The following PPM1B variants were observed in gnomAD, a reference collection of about 807,000 sequenced individuals.
The protein encoded by PPM1B is protein phosphatase, Mg2+/Mn2+ dependent 1B.
A neutral mutation model predicts 43.0 loss-of-function variants in PPM1B; 22 were observed. The ratio of observed to expected loss-of-function variants is 0.51; its 90% confidence interval spans 0.37 to 0.73. The LOEUF (loss-of-function observed/expected upper bound fraction) is 0.73. Among genes scored for constraint, PPM1B ranks in the 30% least tolerant of loss-of-function variants. The pLI is 0.00. For synonymous variants in PPM1B, 217 were observed against 197.9 expected, an observed-to-expected ratio of 1.10 and a Z score of -0.81; for missense variants, 632 against 584.2, an observed-to-expected ratio of 1.08 and a Z score of -0.84.
chr2:44,236,423 A>AAAAAAAAAAAAAAAAAAG, downstream of PPM1B, among the ~76,000 whole-genome samples: 1 of 143,644 alleles, frequency 7.0e-6, no homozygotes, highest in Non-Finnish European at 1.5e-5. Context: ...AAAAAAAAAA[A>AAAAAAAAAAAAAAAAAAG]AAAAGTTGTA....
intron 2 of PPM1B, among the ~76,000 whole-genome samples, 178 bp from the exon 3 acceptor site, chr2:44,209,032 C>A (rs1326481183): frequency 6.6e-6 from 1 of 152,100 alleles, no homozygotes; most frequent in African/African-American, 2.4e-5. Flanking sequence ...TATACCCATA[C>A]CTAGACACCT....
At chr2:44,239,179 C>CAAAAA (rs1193340508), downstream of PPM1B, among the ~76,000 whole-genome samples, 31 of 89,610 alleles carry the variant, frequency 3.5e-4, no homozygotes, top group Non-Finnish European at 5.3e-4. Context: ...GTCTCTAATA[C>CAAAAA]AAAAAAAAAA....
chr2:44,171,084 AC>A (rs1475562224), intron 1 of PPM1B, among the ~76,000 whole-genome samples: 4 of 152,072 alleles, frequency 2.6e-5, no homozygotes, highest in Non-Finnish European at 4.4e-5. Context: ...GAGCTTTCAT[AC>A]TGTAAGATTT....
chr2:44,216,537 C>T (rs540092842), intron 3 of PPM1B, among the ~76,000 whole-genome samples: 172 of 152,226 alleles, frequency 1.1e-3, no homozygotes, highest in African/African-American at 4.0e-3. Flanking sequence ...CAGTACATGT[C>T]ATGCATATGG....
chr2:44,170,625 A>G (rs571922542), intron 1 of PPM1B, among the ~76,000 whole-genome samples: 49 of 152,312 alleles, frequency 3.2e-4, no homozygotes, highest in African/African-American at 1.1e-3. Flanking sequence ...GAATGTTAAT[A>G]GATGTTATTT....
intron 5 of PPM1B, among the ~76,000 whole-genome samples, chr2:44,223,662 C>G (rs573979375): frequency 6.6e-6 from 1 of 150,386 alleles, no homozygotes; most frequent in Non-Finnish European, 1.5e-5. Context: ...ACAAAAAAAA[C>G]AAAATTAGCC....
At chr2:44,198,068 A>T (rs1038572650) in intron 1 of PPM1B, among the ~76,000 whole-genome samples, 1 of 152,168 alleles carries the variant, frequency 6.6e-6, no homozygotes, top group African/African-American at 2.4e-5. Context: ...ACGCTTGCCA[A>T]TGTCCATGTG....
At chr2:44,188,438 C>T (rs1445832126) in intron 1 of PPM1B, among the ~76,000 whole-genome samples, 2 of 133,222 alleles carry the variant, frequency 1.5e-5, no homozygotes, top group Non-Finnish European at 1.5e-5. Flanking sequence ...CTTTGTTGCT[C>T]AGGCTGGAAT....
intron 5 of PPM1B, among the ~76,000 whole-genome samples, chr2:44,221,495 G>A (rs921227474): frequency 6.6e-6 from 1 of 152,178 alleles, no homozygotes; most frequent in African/African-American, 2.4e-5. Flanking sequence ...ATGTCGCCGG[G>A]AGCTGGATGT....
downstream of PPM1B, among the ~76,000 whole-genome samples, chr2:44,236,076 T>C (rs1282665897): frequency 6.6e-6 from 1 of 150,982 alleles, no homozygotes; most frequent in Non-Finnish European, 1.5e-5. Context: ...AGAAATCCAC[T>C]GGGAGTTGCA....
rs111373302 is a variant in PPM1B at position 44,209,632 on chromosome 2, C to G, written c.964+305C>G. Reference sequence around the variant, plus strand: ...CTCTGCTAAAAATACAGAAAATTAGCCGGGCATGGTGGCACACACCTGTAG... The same window carrying G: ...CTCTGCTAAAAATACAGAAAATTAGGCGGGCATGGTGGCACACACCTGTAG... On this transcript the variant is annotated intron_variant, in intron 3 of 5. Transcript: ENST00000282412. Among the ~76,000 whole-genome samples, 256 of 152,084 alleles carry G rather than the reference C, an allele frequency of 1.7e-3. 1 individual carries two copies. Among genetic ancestry groups the G allele is most frequent in the African/African-American group, 5.8e-3 (241 of 41,484 alleles).
intron 5 of PPM1B, among the ~76,000 whole-genome samples, chr2:44,219,417 A>T (rs1442154504): frequency 6.6e-6 from 1 of 152,148 alleles, no homozygotes; most frequent in Non-Finnish European, 1.5e-5. Flanking sequence ...GCTAGAAATC[A>T]TATGTCATCT....
intron 1 of PPM1B, among the ~76,000 whole-genome samples, chr2:44,194,898 CTTT>C (rs796213050): frequency 8.1e-6 from 1 of 123,252 alleles, no homozygotes. Context: ...CAGTCTTTTG[CTTT>C]TTTTTTTTTT....
Position 44,201,897 on chromosome 2 carries a change from A to T in PPM1B, c.698A>T (p.Glu233Val). 6.2e-7 allele frequency: 1 copy of T among 1,614,198 alleles called. No individual in the cohort carries two copies. Among genetic ancestry groups the T allele is most frequent in the Non-Finnish European group, 8.5e-7 (1 of 1,180,022 alleles). The change falls in exon 2 of 6, where the codon GAA (glutamate) becomes GTA (valine). Residue 233 changes from glutamate (E) to valine (V), a missense_variant. Physicochemically the swap from Glu to Val is moderately radical, Grantham distance 121. This residue lies in a region of PPM1B where 392 missense variants were observed against 302.7 expected (regional missense o/e 1.29). Transcript: ENST00000282412. The surrounding 1 kb of genome is among the most constrained non-coding windows in gnomAD (Gnocchi z 5.4). ...EPEVYEILRA[E>V]EDEFIILACD... ...GAGGTTTATGAAATTTTAAGAGCAG[A>T]AGAGGATGAATTTATCATCTTGGCT...
At chr2:44,244,801 G>C (rs1030841671), downstream of PPM1B, among the ~76,000 whole-genome samples, 1 of 117,864 alleles carries the variant, frequency 8.5e-6, no homozygotes, top group Non-Finnish European at 1.7e-5. Context: ...TCTATATTTA[G>C]AAGTGTATAA....
chr2:44,180,705 G>A lies in PPM1B; in HGVS notation c.-15+11431G>A, dbSNP rs1429009716. Among the ~76,000 whole-genome samples the A allele has an allele frequency of 2.6e-5, 4 of 151,802 alleles. No homozygotes were observed. The East Asian group carries it at 7.7e-4, about 29-fold the overall frequency. On this transcript the variant is annotated intron_variant, in intron 1 of 5. Coordinates refer to ENST00000282412, the MANE Select transcript of PPM1B (RefSeq NM_002706.6). ...ATCTCACTGCAGCCTTAAACTTCTG[G>A]GCTCAAGCTATCCTTCTGCCTCAGC...
chr2:44,191,764 T>C (rs1572701566), intron 1 of PPM1B, among the ~76,000 whole-genome samples: 1 of 152,222 alleles, frequency 6.6e-6, no homozygotes, highest in Non-Finnish European at 1.5e-5. Flanking sequence ...CTACCAAATA[T>C]CACTCTGGAG....
intron 1 of PPM1B, among the ~76,000 whole-genome samples, chr2:44,189,485 A>T (rs1174504233): frequency 6.6e-6 from 1 of 151,508 alleles, no homozygotes; most frequent in African/African-American, 2.4e-5. Flanking sequence ...TTATTTATTG[A>T]TTTTCGAGAG....
chr2:44,222,399 T>C (rs1207683686), intron 5 of PPM1B, among the ~76,000 whole-genome samples: 1 of 152,264 alleles, frequency 6.6e-6, no homozygotes, highest in Non-Finnish European at 1.5e-5. Flanking sequence ...TATAGAGTTT[T>C]ATACTTTCAT....
Sources: allele counts gnomAD v4.1 joint callset (sites outside exome capture counted in the v4.1 genomes callset), GRCh38; gene constraint gnomAD v4.1.1; regional missense constraint gnomAD v4.1.1; non-coding constraint Gnocchi (gnomAD v3.1); transcripts MANE v1.5; gene names NCBI Gene and HGNC (gene_info 2026-07-23, HGNC 2026-07-21).